The following TBC1D16 variants were observed in gnomAD, a reference collection of about 807,000 sequenced individuals.
The protein encoded by TBC1D16 is TBC1 domain family member 16.
Under a neutral mutation model 74.7 loss-of-function variants are expected in TBC1D16, and 58 were observed. That is an observed-to-expected ratio of 0.78 (90% CI 0.63 to 0.97). The LOEUF is 0.97. TBC1D16 is among the 50% of genes least tolerant of loss of function. TBC1D16 has a pLI of 0.00. For synonymous variants in TBC1D16, 493 were observed against 474.7 expected, an observed-to-expected ratio of 1.04 and a Z score of -0.50; for missense variants, 1,014 against 1,079.5, an observed-to-expected ratio of 0.94 and a Z score of 0.85.
chr17:79,982,973 C>T lies in TBC1D16; in HGVS notation c.779+27187G>A, dbSNP rs565791658. Among the ~76,000 whole-genome samples, 13 of 152,334 alleles carry T rather than the reference C, an allele frequency of 8.5e-5. No individual in the cohort carries two copies. In the South Asian group the frequency reaches 1.2e-3, roughly 15 times the overall value. On this transcript the variant is annotated intron_variant, in intron 3 of 11. Transcript: ENST00000310924. ...CTTTGTGCATGCATATGTGTGTACA[C>T]GTAAATACTGAACCTGCGTCATCCA...
intron 3 of TBC1D16, among the ~76,000 whole-genome samples, chr17:79,966,903 A>G (rs1464121010): frequency 6.6e-6 from 1 of 152,226 alleles, no homozygotes; most frequent in Non-Finnish European, 1.5e-5. Context: ...GGTTCAACAT[A>G]TGAAAATAGA....
At position 80,013,407 on chromosome 17, in the gene TBC1D16, G is replaced by A. The variant is rs1384983029; in HGVS notation, c.141C>T (p.His47=). 6.2e-7 allele frequency: 1 copy of A among 1,609,002 alleles called. No homozygotes were observed. Among genetic ancestry groups the A allele is most frequent in the East Asian group, 2.2e-5 (1 of 44,786 alleles). The change falls in exon 2 of 12, where the codon CAC becomes CAT. Residue 47 remains histidine, a synonymous_variant. Transcript: ENST00000310924. The part of the protein sequence containing the change: ...IIYSKNNVCV[H]PPEGLQGLGE... ...CCAGCCCCTGCAGCCCCTCCGGCGG[G>A]TGCACGCAGACATTGTTCTTGGAGT... is the stretch of plus-strand genomic sequence containing the variant.
Position 79,971,329 on chromosome 17 carries a change from C to T in TBC1D16, c.780-18511G>A, listed in dbSNP as rs1042707358. On this transcript the variant is annotated intron_variant, in intron 3 of 11. Coordinates refer to ENST00000310924, the MANE Select transcript of TBC1D16 (RefSeq NM_019020.4). This position sits in a 1 kb window ranked among gnomAD's most constrained non-coding sequence, Gnocchi z 4.6. ...TGAGGCACCGCACCCGGCCCACACT[C>T]CCAGTATTTTTTAAGTTGCTTAACA... is the stretch of plus-strand genomic sequence containing the variant. Among the ~76,000 whole-genome samples, 4 of 152,070 alleles carry T rather than the reference C, an allele frequency of 2.6e-5. No individual in the cohort carries two copies. The highest frequency in any genetic ancestry group is 7.2e-5 in the African/African-American group (3 of 41,432).
chr17:79,943,292 G>A lies in TBC1D16; in HGVS notation c.1909-1086C>T, dbSNP rs77919610. 9.2e-4 allele frequency among the ~76,000 whole-genome samples: 140 copies of A among 152,292 alleles called. 1 individual carries two copies. Among genetic ancestry groups the A allele is most frequent in the African/African-American group, 2.3e-3 (95 of 41,562 alleles). ...AACTGTGGCTGGTGCGAGACACAGC[G>A]GAGGGGTTGCAGGAAGGTGGACGCC... On this transcript the variant is annotated intron_variant, in intron 10 of 11. Transcript: ENST00000310924.
chr17:79,991,730 G>A (rs1297905254), intron 3 of TBC1D16, among the ~76,000 whole-genome samples: 5 of 149,924 alleles, frequency 3.3e-5, no homozygotes, highest in East Asian at 2.0e-4. Context: ...GGGAGGGGGA[G>A]GGCGGGGGCG....
intron 1 of TBC1D16, among the ~76,000 whole-genome samples, chr17:80,027,422 C>T (rs2036616035): frequency 6.6e-6 from 1 of 152,084 alleles, no homozygotes; most frequent in Non-Finnish European, 1.5e-5. Flanking sequence ...CATGGAGAAA[C>T]CTTGTCTCTA....
chr17:79,973,775 C>T (rs1009290700), intron 3 of TBC1D16, among the ~76,000 whole-genome samples: 11 of 151,984 alleles, frequency 7.2e-5, no homozygotes, highest in African/African-American at 2.4e-4. Flanking sequence ...ATGCCATCAT[C>T]CCAGCTACTT....
chr17:80,011,254 C>G (rs1374569988), intron 2 of TBC1D16, among the ~76,000 whole-genome samples: 1 of 150,964 alleles, frequency 6.6e-6, no homozygotes, highest in Non-Finnish European at 1.5e-5. Context: ...ACTATGTTGC[C>G]CAGGCTAGTC....
Position 79,944,214 on chromosome 17 carries a change from G to A in TBC1D16, c.1908+694C>T. 2 of 1,426,782 alleles carry A rather than the reference G, an allele frequency of 1.4e-6. No individual in the cohort carries two copies. The highest frequency in any genetic ancestry group is 1.9e-6 in the Non-Finnish European group (2 of 1,048,982). 88.4% of individuals were successfully genotyped at this position (1,426,782 alleles called of 1,614,324 possible). ...TGACGGAGGCTGCTGGAGCTGCCGT[G>A]GTGGATAGAGCCAGCTCCTGCAAAA... On this transcript the variant is annotated intron_variant, in intron 10 of 11. Coordinates refer to ENST00000310924, the MANE Select transcript of TBC1D16 (RefSeq NM_019020.4). This position sits in a 1 kb window ranked among gnomAD's most constrained non-coding sequence, Gnocchi z 7.7.
intron 11 of TBC1D16, 51 bp downstream of exon 11, chr17:79,942,009 T>C: frequency 9.9e-7 from 1 of 1,010,930 alleles, no homozygotes; most frequent in Non-Finnish European, 1.2e-6. Flanking sequence ...GCTGGTGGGG[T>C]GGGGCTTTGG....
In TBC1D16 at chr17:80,008,731, C is replaced by T. The variant is rs941140929; in HGVS notation, c.779+1429G>A. On this transcript the variant is annotated intron_variant, in intron 3 of 11. Transcript: ENST00000310924. The surrounding 1 kb of genome is among the most constrained non-coding windows in gnomAD (Gnocchi z 4.5). ...ACCTGGAGTCCTCAGTTACGGCTCA[C>T]GGCTTCCTTTTATCTGCACTCTCCA... is the stretch of plus-strand genomic sequence containing the variant. Among the ~76,000 whole-genome samples the T allele has an allele frequency of 3.3e-5, 5 of 152,218 alleles. No homozygotes were observed. The highest frequency in any genetic ancestry group is 9.7e-5 in the African/African-American group (4 of 41,450).
Position 79,944,022 on chromosome 17 carries a change from G to A in TBC1D16, c.1908+886C>T. On this transcript the variant is annotated intron_variant, in intron 10 of 11. Coordinates refer to ENST00000310924, the MANE Select transcript of TBC1D16 (RefSeq NM_019020.4). This position sits in a 1 kb window ranked among gnomAD's most constrained non-coding sequence, Gnocchi z 7.7. ...AGGAGGGAAACCTAGACCCGGGCCA[G>A]GGGCGAGCCGATGACCGCATGCAAA... 1 of 1,535,318 alleles carries A rather than the reference G, an allele frequency of 6.5e-7. No homozygotes were observed. The highest frequency in any genetic ancestry group is 2.4e-5 in the East Asian group (1 of 40,882).
intron 2 of TBC1D16, among the ~76,000 whole-genome samples, chr17:80,012,031 G>C (rs927408147): frequency 2.0e-5 from 3 of 152,156 alleles, no homozygotes; most frequent in South Asian, 4.2e-4. Flanking sequence ...GCTCAGTTCT[G>C]GGGGGAGGTG....
Position 79,940,690 on chromosome 17 carries a change from A to C in TBC1D16, c.*169T>G. 1 of 817,752 alleles carries C rather than the reference A, an allele frequency of 1.2e-6. No homozygotes were observed. The highest frequency in any genetic ancestry group is 3.7e-5 in the South Asian group (1 of 26,894). 50.7% of individuals were successfully genotyped at this position (817,752 alleles called of 1,614,324 possible). A position where few individuals can be genotyped will look rare whatever the true frequency, so the allele number is the denominator to read the frequency against. On this transcript the variant is annotated 3_prime_UTR_variant, in exon 12 of 12. Coordinates refer to ENST00000310924, the MANE Select transcript of TBC1D16 (RefSeq NM_019020.4). The surrounding 1 kb of genome is among the most constrained non-coding windows in gnomAD (Gnocchi z 5.4). ...TGTAGATCTGACTTCTGTCACTTCC[A>C]GACTCTAATTTTGTCATTAATATGA...
intron 9 of TBC1D16, among the ~76,000 whole-genome samples, chr17:79,947,211 T>A (rs2032618857): frequency 6.6e-6 from 1 of 152,246 alleles, no homozygotes; most frequent in South Asian, 2.1e-4. Context: ...CCCAGAGACC[T>A]CAGGGGGTTT....
chr17:79,944,134 G>T lies in TBC1D16; in HGVS notation c.1908+774C>A. 1 of 1,535,946 alleles carries T rather than the reference G, an allele frequency of 6.5e-7. No homozygotes were observed. The highest frequency in any genetic ancestry group is 8.7e-7 in the Non-Finnish European group (1 of 1,146,800). ...TGCGGTGTGAGTGAGGACAGGAGAC[G>T]CTGACGCAAATGTCTTCCAGCAGAT... is the stretch of plus-strand genomic sequence containing the variant. On this transcript the variant is annotated intron_variant, in intron 10 of 11. Coordinates refer to ENST00000310924, the MANE Select transcript of TBC1D16 (RefSeq NM_019020.4). The surrounding 1 kb of genome is among the most constrained non-coding windows in gnomAD (Gnocchi z 7.7).
intron 3 of TBC1D16, among the ~76,000 whole-genome samples, chr17:79,960,599 T>C (rs528155172): frequency 9.3e-5 from 14 of 151,314 alleles, no homozygotes; most frequent in African/African-American, 2.4e-5. Context: ...CTGCTAAAAA[T>C]ACAAAAAATT....
chr17:80,028,181 G>T (rs757023713), intron 1 of TBC1D16, among the ~76,000 whole-genome samples: 1 of 151,656 alleles, frequency 6.6e-6, no homozygotes, highest in Non-Finnish European at 1.5e-5. Flanking sequence ...ATTCACAGAT[G>T]GATTGAAGCC....
chr17:80,027,255 G>A (rs1455184493), intron 1 of TBC1D16, among the ~76,000 whole-genome samples: 4 of 152,172 alleles, frequency 2.6e-5, no homozygotes, highest in African/African-American at 7.2e-5. Context: ...CTGAGTCCAG[G>A]AGTTTGAGAC....
Sources: allele counts gnomAD v4.1 joint callset (sites outside exome capture counted in the v4.1 genomes callset), GRCh38; gene constraint gnomAD v4.1.1; non-coding constraint Gnocchi (gnomAD v3.1); transcripts MANE v1.5; gene names NCBI Gene and HGNC (gene_info 2026-07-23, HGNC 2026-07-21).